DDHD1: variants seen among roughly 807,000 people sequenced by gnomAD.
DDHD1 encodes the protein phospholipase DDHD1.
Under a neutral mutation model 96.4 loss-of-function variants are expected in DDHD1, and 49 were observed. The ratio of observed to expected loss-of-function variants is 0.51; its 90% confidence interval spans 0.40 to 0.64. The LOEUF is 0.64. Ranked by LOEUF, DDHD1 falls within the 30% of genes least tolerant of loss-of-function variation. The probability of loss-of-function intolerance (pLI) is 0.00; values close to 1 mark genes in which losing one functional copy is unlikely to be tolerated. For missense variants in DDHD1, 1,106 were observed against 1,161.2 expected, an observed-to-expected ratio of 0.95 and a Z score of 0.69; for synonymous variants, 442 against 446.5, an observed-to-expected ratio of 0.99 and a Z score of 0.13.
At chr14:53,081,273 G>C (rs1885447481) in intron 4 of DDHD1, among the ~76,000 whole-genome samples, 1 of 152,104 alleles carries the variant, frequency 6.6e-6, no homozygotes, top group Non-Finnish European at 1.5e-5. Context: ...AAGTTTCTTT[G>C]TCATCTTTTC....
rs1381674139 is a variant in DDHD1, at chr14:53,041,672, TTTTC to T, written c.*5092_*5095del. On this transcript the variant is annotated 3_prime_UTR_variant, in exon 13 of 13. Coordinates refer to ENST00000673822, the MANE Select transcript of DDHD1 (RefSeq NM_001160148.2). ...CCTGGATATCTTATTTTTTTCTTGA[TTTTC>T]TTTTTGTTGTTTTGTATTTCTTCTT... 1 of 152,220 alleles carries T rather than the reference TTTTC, an allele frequency of 6.6e-6. No individual in the cohort carries two copies. Among genetic ancestry groups the T allele is most frequent in the Non-Finnish European group, 1.5e-5 (1 of 68,032 alleles). 9.4% of individuals were successfully genotyped at this position (152,220 alleles called of 1,614,324 possible).
intron 11 of DDHD1, chr14:53,053,724 T>G (rs1474851694): frequency 6.6e-6 from 1 of 152,132 alleles, no homozygotes; most frequent in Non-Finnish European, 1.5e-5. Flanking sequence ...TAGGTGTCAA[T>G]GAAAAAATAG....
At position 53,152,665 on chromosome 14, in the gene DDHD1, C is replaced by T; in HGVS notation, c.434G>A (p.Arg145His). Reference protein sequence around the residue: ...ATGGSPGERKRTRLGGPAARH... With the variant: ...ATGGSPGERKHTRLGGPAARH... ...GGCCGCCGGGCCGCCAAGCCGGGTA[C>T]GTTTCCTTTCCCCGGGGGACCCTCC... The change falls in exon 1 of 13, where the codon CGT (arginine) becomes CAT (histidine). Residue 145 changes from arginine to histidine, a missense_variant. Arg to His is a conservative substitution (Grantham distance 29, BLOSUM62 0). Coordinates refer to ENST00000673822, the MANE Select transcript of DDHD1 (RefSeq NM_001160148.2). 1 of 1,612,902 alleles carries T rather than the reference C, an allele frequency of 6.2e-7. No homozygotes were observed. Among genetic ancestry groups the T allele is most frequent in the Non-Finnish European group, 8.5e-7 (1 of 1,179,806 alleles).
At chr14:53,113,021 G>A (rs1009040716) in intron 1 of DDHD1, among the ~76,000 whole-genome samples, 16 of 151,904 alleles carry the variant, frequency 1.1e-4, no homozygotes, top group Non-Finnish European at 1.5e-4. Flanking sequence ...GTGCAGTGGC[G>A]TGATCTCAGC....
At chr14:53,149,402 G>A (rs1891200388) in intron 1 of DDHD1, among the ~76,000 whole-genome samples, 3 of 152,092 alleles carry the variant, frequency 2.0e-5, no homozygotes, top group Admixed American at 2.0e-4. Flanking sequence ...AAAAGGAAAA[G>A]TAAAATGGGG....
intron 12 of DDHD1, among the ~76,000 whole-genome samples, chr14:53,051,439 T>C (rs905988487): frequency 5.3e-5 from 8 of 152,078 alleles, no homozygotes; most frequent in Middle Eastern, 3.4e-3. Context: ...AGTGGTAAAT[T>C]TACTGATACC....
intron 1 of DDHD1, among the ~76,000 whole-genome samples, chr14:53,122,582 G>GGTT (rs113366817): frequency 7.0e-6 from 1 of 143,808 alleles, no homozygotes; most frequent in Non-Finnish European, 1.5e-5. Context: ...TCTGCTAATA[G>GGTT]TTTTTTTTTT....
intron 1 of DDHD1, among the ~76,000 whole-genome samples, chr14:53,129,989 A>C (rs1364170000): frequency 3.2e-4 from 49 of 152,226 alleles, no homozygotes; most frequent in Non-Finnish European, 1.5e-5. Context: ...GACTCGTCGC[A>C]AATCTTTCTT....
intron 4 of DDHD1, among the ~76,000 whole-genome samples, chr14:53,082,941 C>A (rs1034622635): frequency 2.0e-5 from 3 of 151,882 alleles, no homozygotes; most frequent in African/African-American, 7.3e-5. Flanking sequence ...ATAGCATGCA[C>A]CTTTTGTGTG....
rs1051445430 is a variant in DDHD1, at chr14:53,046,541, G to A, written c.*227C>T. The stretch of plus-strand genomic sequence containing the variant: ...CATCCAGGTCTTGCTTGATTCTCTG[G>A]AGAAGGTTTTGTCAGACTCATAATT... On this transcript the variant is annotated 3_prime_UTR_variant, in exon 13 of 13. Coordinates refer to ENST00000673822, the MANE Select transcript of DDHD1 (RefSeq NM_001160148.2). 5 of 316,740 alleles carry A rather than the reference G, an allele frequency of 1.6e-5. No individual in the cohort carries two copies. The Admixed American group carries it at 2.0e-4, about 12-fold the overall frequency. 19.6% of individuals were successfully genotyped at this position (316,740 alleles called of 1,614,324 possible).
chr14:53,063,340 G>A, intron 6 of DDHD1, 135 bp from the exon 7 acceptor site: 2 of 1,057,014 alleles, frequency 1.9e-6, no homozygotes, highest in African/African-American at 1.6e-5. Context: ...AATTAACTTA[G>A]GTCTTTCAAA....
At chr14:53,115,926 G>A (rs1027587977) in intron 1 of DDHD1, among the ~76,000 whole-genome samples, 16 of 152,136 alleles carry the variant, frequency 1.1e-4, no homozygotes, top group African/African-American at 3.9e-4. Context: ...AAAAGATACA[G>A]ACTGGAAAAC....
rs751528984 is a variant in DDHD1 at position 53,063,032 on chromosome 14, C to T, written c.1677G>A (p.Leu559=). The T allele has an allele frequency of 3.1e-6, 5 of 1,614,122 alleles. No individual in the cohort carries two copies. The highest frequency in any genetic ancestry group is 1.3e-5 in the African/African-American group (1 of 75,050). ...CAGGCAACTCTTCTTCCTTTTGCAG[C>T]AACTGTTCATACAGCCGAACTGGAT... ...GWNPVRLYEQ[L]LQKEEELPDE... The change falls in exon 7 of 13, where the codon TTG becomes TTA. Residue 559 remains leucine, a synonymous_variant. Coordinates refer to ENST00000673822, the MANE Select transcript of DDHD1 (RefSeq NM_001160148.2).
chr14:53,132,038 C>G lies in DDHD1; in HGVS notation c.838+20223G>C, dbSNP rs111966686. On this transcript the variant is annotated intron_variant, in intron 1 of 12. Coordinates refer to ENST00000673822, the MANE Select transcript of DDHD1 (RefSeq NM_001160148.2). ...CCTTTAGATACCTAGTTTTGCCATC[C>G]TGACAAAACCATTATATAAATTCAC... 3.9e-4 allele frequency among the ~76,000 whole-genome samples: 60 copies of G among 152,248 alleles called. 1 individual carries two copies. Among genetic ancestry groups the G allele is most frequent in the Admixed American group, 8.5e-4 (13 of 15,292 alleles).
intron 1 of DDHD1, among the ~76,000 whole-genome samples, chr14:53,127,351 A>G (rs1352315820): frequency 6.6e-6 from 1 of 152,226 alleles, no homozygotes; most frequent in African/African-American, 2.4e-5. Flanking sequence ...CTAGCCTAAA[A>G]TTCCAGTTCA....
chr14:53,059,653 C>T (rs1162004572), intron 8 of DDHD1, among the ~76,000 whole-genome samples: 1 of 148,604 alleles, frequency 6.7e-6, no homozygotes, highest in African/African-American at 2.4e-5. Flanking sequence ...ATCACGAGGT[C>T]AGGAGTTCGA....
At chr14:53,149,286 T>C (rs1298782832) in intron 1 of DDHD1, among the ~76,000 whole-genome samples, 1 of 152,222 alleles carries the variant, frequency 6.6e-6, no homozygotes, top group Non-Finnish European at 1.5e-5. Context: ...GCCACAAAAA[T>C]CTAAATGGCC....
At position 53,046,068 on chromosome 14, in the gene DDHD1, G is replaced by A. The variant is rs1203151088; in HGVS notation, c.*700C>T. ...TTAATGAAAAAAAATGTATGCCACA[G>A]TGTCTATATATTCATCTGAAGAGTA... On this transcript the variant is annotated 3_prime_UTR_variant, in exon 13 of 13. Transcript: ENST00000673822. The A allele has an allele frequency of 6.6e-6, 1 of 152,152 alleles. No individual in the cohort carries two copies. Among genetic ancestry groups the A allele is most frequent in the Non-Finnish European group, 1.5e-5 (1 of 68,020 alleles). 9.4% of individuals were successfully genotyped at this position (152,152 alleles called of 1,614,324 possible).
intron 1 of DDHD1, among the ~76,000 whole-genome samples, chr14:53,123,641 G>A (rs1889182813): frequency 6.6e-6 from 1 of 152,106 alleles, no homozygotes; most frequent in East Asian, 1.9e-4. Context: ...AAACCAAAAT[G>A]CAAGTTTTAG....
Sources: gnomAD v4.1 joint callset for allele counts (sites outside exome capture counted in the v4.1 genomes callset) on GRCh38, gnomAD v4.1.1 for gene constraint, MANE v1.5 for transcripts, NCBI Gene and HGNC (gene_info 2026-07-23, HGNC 2026-07-21) for gene names.